Variants in PRPSAP1 observed in about 807,000 individuals in gnomAD.
PRPSAP1 encodes the protein phosphoribosyl pyrophosphate synthetase associated protein 1.
Under a neutral mutation model 39.4 loss-of-function variants are expected in PRPSAP1, and 31 were observed. The observed-to-expected ratio is 0.79, with a 90% CI of 0.59 to 1.06. PRPSAP1 has a LOEUF of 1.06. PRPSAP1 is among the 50% of genes least tolerant of loss of function. PRPSAP1 has a pLI of 0.00. For synonymous variants in PRPSAP1, 212 were observed against 192.6 expected, an observed-to-expected ratio of 1.10 and a Z score of -0.83; for missense variants, 430 against 511.6, an observed-to-expected ratio of 0.84 and a Z score of 1.54.
intron 1 of PRPSAP1, among the ~76,000 whole-genome samples, 188 bp from the exon 2 acceptor site, chr17:76,348,769 G>A (rs1265685743): frequency 6.6e-6 from 1 of 152,156 alleles, no homozygotes; most frequent in Non-Finnish European, 1.5e-5. Flanking sequence ...TCACCACGTT[G>A]TAACATACTG....
At chr17:76,338,720 A>T (rs1384845947) in intron 3 of PRPSAP1, among the ~76,000 whole-genome samples, 1 of 151,596 alleles carries the variant, frequency 6.6e-6, no homozygotes, top group South Asian at 2.1e-4. Context: ...AAATAAAATA[A>T]AATATAAAAT....
chr17:76,353,377 G>A lies in PRPSAP1; in HGVS notation c.170+157C>T, dbSNP rs995935870. 76 of 702,622 alleles carry A rather than the reference G, an allele frequency of 1.1e-4. No individual in the cohort carries two copies. In the South Asian group the frequency reaches 1.6e-3, roughly 15 times the overall value. The allele number at this position is 702,622 out of a possible 1,614,324, so 43.5% of individuals were successfully genotyped here. Reference sequence around the variant, plus strand: ...GCTGCAAAACCGGGGAGCGGGGGGCGGTATCCGTCACCTCCAAGCTTTGTC... The same window carrying A: ...GCTGCAAAACCGGGGAGCGGGGGGCAGTATCCGTCACCTCCAAGCTTTGTC... On this transcript the variant is annotated intron_variant, in intron 1 of 9. Transcript: ENST00000446526.
intron 3 of PRPSAP1, among the ~76,000 whole-genome samples, chr17:76,336,040 C>T (rs1172176252): frequency 6.6e-6 from 1 of 152,078 alleles, no homozygotes; most frequent in Non-Finnish European, 1.5e-5. Flanking sequence ...GTGTATGACA[C>T]CATGAGTTTT....
At chr17:76,336,944 T>C (rs560622100) in intron 3 of PRPSAP1, among the ~76,000 whole-genome samples, 5 of 152,066 alleles carry the variant, frequency 3.3e-5, no homozygotes, top group South Asian at 2.1e-4. Flanking sequence ...GGCAGTTACT[T>C]TGTGAACTAG....
Position 76,328,785 on chromosome 17 carries a change from A to G in PRPSAP1, c.713T>C (p.Met238Thr). 4 of 1,614,178 alleles carry G rather than the reference A, an allele frequency of 2.5e-6. No individual in the cohort carries two copies. Among genetic ancestry groups the G allele is most frequent in the Non-Finnish European group, 3.4e-6 (4 of 1,180,028 alleles). ...HGEAQCTELD[M>T]DDGRHSPPMV... ...AGGCGGGGAGTGACGACCATCGTCCATGTCCAGTTCCGTGCACTGAGCTTC... is the reference window on the plus strand; with the variant it reads ...AGGCGGGGAGTGACGACCATCGTCCGTGTCCAGTTCCGTGCACTGAGCTTC... Residue 238 changes from methionine to threonine, a missense_variant, in exon 7 of 10, where the codon ATG becomes ACG. Transcript: ENST00000446526.
At chr17:76,314,025 C>T in intron 7 of PRPSAP1, 134 bp from the exon 8 acceptor site, 2 of 876,092 alleles carry the variant, frequency 2.3e-6, no homozygotes, top group East Asian at 2.7e-5. Context: ...TGCAAATTCC[C>T]CCTCAATGAA....
At position 76,311,443 on chromosome 17, in the gene PRPSAP1, T is replaced by C. The variant is rs1228565378; in HGVS notation, c.*99A>G. The C allele has an allele frequency of 1.5e-5, 20 of 1,335,764 alleles. No homozygotes were observed. The highest frequency in any genetic ancestry group is 1.9e-5 in the Non-Finnish European group (19 of 986,776). The allele number at this position is 1,335,764 out of a possible 1,614,324, so 82.7% of individuals were successfully genotyped here. A position where few individuals can be genotyped will look rare whatever the true frequency, so the allele number is the denominator to read the frequency against. Reference sequence around the variant, plus strand: ...CAAAAGAAGATATCTAACTCCAGGCTGTTTCGAGTCCTCCCTTGCAAGGAA... The same window carrying C: ...CAAAAGAAGATATCTAACTCCAGGCCGTTTCGAGTCCTCCCTTGCAAGGAA... On this transcript the variant is annotated 3_prime_UTR_variant, in exon 10 of 10. Transcript: ENST00000446526.
chr17:76,346,058 G>T, intron 2 of PRPSAP1: 1 of 402,702 alleles, frequency 2.5e-6, no homozygotes, highest in South Asian at 2.0e-5. Flanking sequence ...ATGGGAAGTG[G>T]AGATGCCTGA....
At chr17:76,313,955 C>T (rs1233202814) in intron 7 of PRPSAP1, 64 bp from the exon 8 acceptor site, 1 of 1,553,300 alleles carries the variant, frequency 6.4e-7, no homozygotes, top group Non-Finnish European at 8.8e-7. Context: ...AATGTAATCA[C>T]AACCTAATTC....
intron 9 of PRPSAP1, among the ~76,000 whole-genome samples, chr17:76,312,162 C>T (rs879544449): frequency 6.6e-6 from 1 of 152,052 alleles, no homozygotes; most frequent in African/African-American, 2.4e-5. Context: ...GCATTTAGGC[C>T]GGGCACAGTG....
Position 76,351,447 on chromosome 17 carries a change from G to A in PRPSAP1, c.170+2087C>T, listed in dbSNP as rs149732297. On this transcript the variant is annotated intron_variant, in intron 1 of 9. Transcript: ENST00000446526. The stretch of plus-strand genomic sequence containing the variant: ...GGAGAATGGCGTGAACCCTGGGGGC[G>A]TAGCCTGCAGTGAGCCGAGATCGCG... 7.0e-3 allele frequency among the ~76,000 whole-genome samples: 1,065 copies of A among 152,184 alleles called. 7 individuals carry two copies. Among genetic ancestry groups the A allele is most frequent in the Non-Finnish European group, 0.012 (797 of 68,024 alleles).
chr17:76,321,446 CAGG>C (rs752164354), intron 7 of PRPSAP1, among the ~76,000 whole-genome samples: 11 of 151,864 alleles, frequency 7.2e-5, no homozygotes, highest in Non-Finnish European at 1.5e-4. Flanking sequence ...GGGGCTGAGG[CAGG>C]AGAATTACTT....
Position 76,312,558 on chromosome 17 carries a change from C to T in PRPSAP1, c.999+312G>A, listed in dbSNP as rs142530513. 4.1e-3 allele frequency among the ~76,000 whole-genome samples: 629 copies of T among 152,168 alleles called. 2 individuals carry two copies. The highest frequency in any genetic ancestry group is 0.015 in the African/African-American group (603 of 41,512). On this transcript the variant is annotated intron_variant, in intron 9 of 9. Transcript: ENST00000446526. ...CTGCAGGTGGCAAAATCATCTAGGG[C>T]AAAGGCTTTCATTTTATAATAAAAG...
intron 3 of PRPSAP1, among the ~76,000 whole-genome samples, chr17:76,340,929 G>C (rs551278195): frequency 5.3e-5 from 8 of 151,460 alleles, no homozygotes; most frequent in African/African-American, 1.7e-4. Flanking sequence ...GGGGGGTAGG[G>C]GGGGACTGTC....
At chr17:76,318,426 G>C (rs2071148031) in intron 7 of PRPSAP1, among the ~76,000 whole-genome samples, 1 of 152,042 alleles carries the variant, frequency 6.6e-6, no homozygotes, top group South Asian at 2.1e-4. Context: ...CTCTAGTCTG[G>C]GTGACAGCAA....
intron 7 of PRPSAP1, 42 bp downstream of exon 7, chr17:76,328,672 TTTC>T (rs1426107038): frequency 1.3e-6 from 2 of 1,587,166 alleles, no homozygotes; most frequent in East Asian, 2.2e-5. Context: ...AAAAAAAAAC[TTTC>T]TTCAATTTAC....
chr17:76,311,268 T>C lies in PRPSAP1; in HGVS notation c.*274A>G. On this transcript the variant is annotated 3_prime_UTR_variant, in exon 10 of 10. Transcript: ENST00000446526. ...GCCTTTAACTCCTCTTTAGTATCAA[T>C]AAGATTTTCAGATTATTTTTAAGAA... 1 of 284,926 alleles carries C rather than the reference T, an allele frequency of 3.5e-6. No homozygotes were observed. The highest frequency in any genetic ancestry group is 6.5e-6 in the Non-Finnish European group (1 of 154,040). 17.6% of individuals were successfully genotyped at this position (284,926 alleles called of 1,614,324 possible).
At chr17:76,320,221 G>A (rs915343705) in intron 7 of PRPSAP1, among the ~76,000 whole-genome samples, 2 of 150,944 alleles carry the variant, frequency 1.3e-5, no homozygotes, top group African/African-American at 4.9e-5. Flanking sequence ...AGTGAGCTGA[G>A]ATAGTGCCAG....
chr17:76,313,253 A>G (rs1311657449), intron 8 of PRPSAP1: 1 of 401,558 alleles, frequency 2.5e-6, no homozygotes, highest in Non-Finnish European at 4.4e-6. Context: ...TTACGGCTGG[A>G]GCTGAGGATT....
Sources: gnomAD v4.1 joint callset for allele counts (sites outside exome capture counted in the v4.1 genomes callset) on GRCh38, gnomAD v4.1.1 for gene constraint, MANE v1.5 for transcripts, NCBI Gene and HGNC (gene_info 2026-07-23, HGNC 2026-07-21) for gene names.